The following FNDC3B variants were observed in gnomAD, a reference collection of about 807,000 sequenced individuals.
FNDC3B encodes the protein fibronectin type III domain-containing protein 3B.
In FNDC3B, 12 loss-of-function variants were observed where a neutral mutation model predicts 151.5. That is an observed-to-expected ratio of 0.08 (90% CI 0.05 to 0.13). FNDC3B has a LOEUF of 0.13. FNDC3B is among the 10% of genes least tolerant of loss of function. The pLI, the probability that FNDC3B is intolerant of heterozygous loss-of-function variation, is 1.00. For synonymous variants in FNDC3B, 528 were observed against 549.0 expected (o/e 0.96, Z 0.54); for missense variants, 1,214 against 1,505.3 (o/e 0.81, Z 3.20).
chr3:172,095,439 A>C (rs1004701923), intron 1 of FNDC3B, among the ~76,000 whole-genome samples: 1 of 152,232 alleles, frequency 6.6e-6, no homozygotes, highest in African/African-American at 2.4e-5. Context: ...AGGGCCTAGA[A>C]CAGCTCACAC....
chr3:172,241,598 G>A (rs1253785191), intron 4 of FNDC3B, among the ~76,000 whole-genome samples: 2 of 151,728 alleles, frequency 1.3e-5, no homozygotes, highest in Non-Finnish European at 2.9e-5. Context: ...GGAGATTCCT[G>A]TTTTTCAAAA....
At chr3:172,167,168 G>T (rs188808036) in intron 3 of FNDC3B, among the ~76,000 whole-genome samples, 1,948 of 152,288 alleles carry the variant, frequency 0.013, 22 homozygotes, top group Non-Finnish European at 0.017. Flanking sequence ...GGCTGAGGCG[G>T]GCGGATCACC....
At chr3:172,179,308 C>T (rs375630213) in intron 3 of FNDC3B, among the ~76,000 whole-genome samples, 24 of 152,276 alleles carry the variant, frequency 1.6e-4, no homozygotes, top group Admixed American at 5.9e-4. Context: ...GTGATCTGCC[C>T]GCCTTGGCCT....
chr3:172,371,257 C>T (rs1734866206), intron 23 of FNDC3B, among the ~76,000 whole-genome samples: 1 of 152,076 alleles, frequency 6.6e-6, no homozygotes, highest in Admixed American at 6.6e-5. Context: ...AATGCCATTG[C>T]TACGTAAATA....
At chr3:172,041,901 C>A (rs1716098754) in intron 1 of FNDC3B, among the ~76,000 whole-genome samples, 1 of 152,010 alleles carries the variant, frequency 6.6e-6, no homozygotes. Flanking sequence ...ATGTTTCTGG[C>A]CCTGCAAAAG....
intron 1 of FNDC3B, among the ~76,000 whole-genome samples, chr3:172,056,975 A>G (rs1175951484): frequency 6.6e-6 from 1 of 152,158 alleles, no homozygotes; most frequent in Non-Finnish European, 1.5e-5. Flanking sequence ...GGGGGAAAGC[A>G]CATCTGAATG....
chr3:172,062,573 C>T lies in FNDC3B; in HGVS notation c.-29+22802C>T, dbSNP rs991908113. Among the ~76,000 whole-genome samples the T allele has an allele frequency of 3.3e-5, 5 of 152,096 alleles. No homozygotes were observed. In the East Asian group the frequency reaches 5.8e-4, roughly 18 times the overall value. On this transcript the variant is annotated intron_variant, in intron 1 of 25. Coordinates refer to ENST00000415807, the MANE Select transcript of FNDC3B (RefSeq NM_022763.4). ...TGCTGCGATTACAGGCGTGAGCCACCGCGCCTGGCCACTTTTCTCCTTCTT... is the reference window on the plus strand; with the variant it reads ...TGCTGCGATTACAGGCGTGAGCCACTGCGCCTGGCCACTTTTCTCCTTCTT...
At chr3:172,262,549 A>G (rs1184570128) in intron 6 of FNDC3B, among the ~76,000 whole-genome samples, 1 of 152,176 alleles carries the variant, frequency 6.6e-6, no homozygotes, top group African/African-American at 2.4e-5. Flanking sequence ...TGTTAAAATG[A>G]TATTTTAGAG....
intron 4 of FNDC3B, among the ~76,000 whole-genome samples, chr3:172,245,460 T>G (rs1727727651): frequency 6.7e-6 from 1 of 149,514 alleles, no homozygotes; most frequent in Admixed American, 6.7e-5. Flanking sequence ...GGAATATGCC[T>G]TTTTTTTTTC....
chr3:172,112,632 T>A (rs781483834), intron 2 of FNDC3B, 42 bp downstream of exon 2: 6 of 1,265,312 alleles, frequency 4.7e-6, no homozygotes, highest in Non-Finnish European at 1.2e-6. Context: ...ATTGTCTAAG[T>A]GGGAAACAGT....
intron 14 of FNDC3B, among the ~76,000 whole-genome samples, chr3:172,334,162 A>C (rs1732829823): frequency 6.6e-6 from 1 of 152,224 alleles, no homozygotes; most frequent in African/African-American, 2.4e-5. Context: ...CAAATTATCA[A>C]GTGCAGTGTG....
chr3:172,392,911 GTTC>G (rs780889463), intron 25 of FNDC3B, among the ~76,000 whole-genome samples: 14 of 142,426 alleles, frequency 9.8e-5, no homozygotes, highest in Non-Finnish European at 1.5e-4. Flanking sequence ...TGTCCAAGCA[GTTC>G]TTCTGCCTGT....
At chr3:172,353,205 C>T (rs539729033) in intron 22 of FNDC3B, 122 bp downstream of exon 22, 7 of 939,522 alleles carry the variant, frequency 7.5e-6, no homozygotes, top group African/African-American at 6.6e-5. Context: ...CCCAGATGTC[C>T]AGAGTATTGT....
intron 3 of FNDC3B, among the ~76,000 whole-genome samples, chr3:172,147,005 C>T (rs1721945142): frequency 6.6e-6 from 1 of 152,020 alleles, no homozygotes; most frequent in Non-Finnish European, 1.5e-5. Flanking sequence ...AGTGGACAGA[C>T]TTTAAAAAGT....
chr3:172,082,158 G>A (rs938536511), intron 1 of FNDC3B, among the ~76,000 whole-genome samples: 1 of 152,214 alleles, frequency 6.6e-6, no homozygotes, highest in African/African-American at 2.4e-5. Flanking sequence ...TATAGTTTTG[G>A]CATTTGAATT....
At chr3:172,239,528 G>T (rs917685802) in intron 4 of FNDC3B, among the ~76,000 whole-genome samples, 1 of 152,084 alleles carries the variant, frequency 6.6e-6, no homozygotes, top group African/African-American at 2.4e-5. Flanking sequence ...ATCACACTAC[G>T]TATGTTTGTG....
chr3:172,369,764 C>G (rs1262506541), intron 23 of FNDC3B, among the ~76,000 whole-genome samples: 1 of 152,090 alleles, frequency 6.6e-6, no homozygotes, highest in Non-Finnish European at 1.5e-5. Context: ...CTCAGGTGTC[C>G]CCACATGATG....
intron 3 of FNDC3B, among the ~76,000 whole-genome samples, chr3:172,139,467 C>G (rs531279910): frequency 1.3e-5 from 2 of 152,306 alleles, no homozygotes; most frequent in South Asian, 4.1e-4. Context: ...GGAAGAGGAC[C>G]TGTTGCAAAT....
At chr3:172,277,305 A>G (rs537278181) in intron 6 of FNDC3B, among the ~76,000 whole-genome samples, 9 of 152,286 alleles carry the variant, frequency 5.9e-5, no homozygotes, top group Non-Finnish European at 1.2e-4. Flanking sequence ...TTTATTTCTT[A>G]CAGTTCTGAA....
Sources: gnomAD v4.1 joint callset for allele counts (sites outside exome capture counted in the v4.1 genomes callset) on GRCh38, gnomAD v4.1.1 for gene constraint, MANE v1.5 for transcripts, NCBI Gene and HGNC (gene_info 2026-07-23, HGNC 2026-07-21) for gene names.